Variants in NLRC5 observed in about 807,000 individuals in gnomAD.
NLRC5 encodes the protein protein NLRC5.
Under a neutral mutation model 206.9 loss-of-function variants are expected in NLRC5, and 114 were observed. That is an observed-to-expected ratio of 0.55 (90% CI 0.47 to 0.64). The LOEUF (loss-of-function observed/expected upper bound fraction) is 0.64. Among genes scored for constraint, NLRC5 ranks in the 30% least tolerant of loss-of-function variants. The probability of loss-of-function intolerance (pLI) is 0.00; values close to 1 mark genes in which losing one functional copy is unlikely to be tolerated. For synonymous variants in NLRC5, 952 were observed against 962.8 expected (o/e 0.99, Z 0.21); for missense variants, 2,008 against 2,305.5 (o/e 0.87, Z 2.64).
chr16:57,032,564 TAAATTA>T (rs2062000718), intron 11 of NLRC5, among the ~76,000 whole-genome samples: 1 of 152,172 alleles, frequency 6.6e-6, no homozygotes, highest in African/African-American at 2.4e-5. Flanking sequence ...TTAATTTAAA[TAAATTA>T]AAATTAAGTA....
chr16:57,066,979 T>C (rs1360020320), intron 34 of NLRC5, among the ~76,000 whole-genome samples: 1 of 142,070 alleles, frequency 7.0e-6, no homozygotes, highest in East Asian at 4.3e-4. Context: ...GGAGGCCCCC[T>C]GGACCCCAAG....
chr16:57,061,499 C>T lies in NLRC5; in HGVS notation c.4038C>T (p.Gly1346=). 1 of 1,610,796 alleles carries T rather than the reference C, an allele frequency of 6.2e-7. No individual in the cohort carries two copies. The highest frequency in any genetic ancestry group is 2.2e-5 in the East Asian group (1 of 44,904). ...AGCACGTGTCCAGGCTGGCCACCGG[C>T]TTGAGCAAGTCCCTGCAGCTGACGG... The part of the protein sequence containing the change: ...RPEHVSRLAT[G]LSKSLQLTEL... The change falls in exon 31 of 49, where the codon GGC becomes GGT. Residue 1346 remains glycine, a synonymous_variant. Transcript: ENST00000688547.
At chr16:57,007,525 C>T (rs1233820998) in intron 1 of NLRC5, among the ~76,000 whole-genome samples, 1 of 151,896 alleles carries the variant, frequency 6.6e-6, no homozygotes, top group African/African-American at 2.4e-5. Context: ...AAGTTCGAGA[C>T]CAGCCTGGTC....
At chr16:57,051,487 C>A (rs765350311) in intron 23 of NLRC5, 51 bp from the exon 24 acceptor site, 1 of 1,407,682 alleles carries the variant, frequency 7.1e-7, no homozygotes, top group South Asian at 1.2e-5. Context: ...GCCGTGCTCC[C>A]TGCTTTCCTG....
intron 15 of NLRC5, among the ~76,000 whole-genome samples, chr16:57,038,939 T>TAAAA (rs574142317): frequency 2.8e-5 from 3 of 108,268 alleles, no homozygotes; most frequent in Non-Finnish European, 2.0e-5. Flanking sequence ...TGTCTCAAAT[T>TAAAA]AAAAAAAAAA....
chr16:57,028,317 A>G lies in NLRC5; in HGVS notation c.2175A>G (p.Lys725=). The change falls in exon 8 of 49, where the codon AAA becomes AAG. Residue 725 remains lysine (K), a synonymous_variant. Transcript: ENST00000688547. ...RLQMLGLAGS[K]ITARGISHLV... is the part of the protein sequence containing the mutation. Reference sequence around the variant, plus strand: ...TACTCTGTAGGTTAGCAGGAAGTAAAATCACTGCCCGAGGCATCAGCCACC... The same window carrying G: ...TACTCTGTAGGTTAGCAGGAAGTAAGATCACTGCCCGAGGCATCAGCCACC... 1 of 1,614,124 alleles carries G rather than the reference A, an allele frequency of 6.2e-7. No individual in the cohort carries two copies.
At position 57,027,018 on chromosome 16, in the gene NLRC5, GGTGA is replaced by G; in HGVS notation, c.2075+3_2075+6del. The G allele has an allele frequency of 6.2e-7, 1 of 1,612,578 alleles. No homozygotes were observed. Among genetic ancestry groups the G allele is most frequent in the Non-Finnish European group, 8.5e-7 (1 of 1,178,934 alleles). On this transcript the variant is annotated splice_donor_variant and splice_donor_region_variant and intron_variant, in intron 6 of 48. Transcript: ENST00000688547. LOFTEE classifies it high-confidence loss of function. ...GGCTGTGGGCAGATAGAGAATCTCA[GGTGA>G]GTAAGAGTGGAGGAGGACCGGGGAG... is the stretch of plus-strand genomic sequence containing the variant.
At chr16:57,009,770 A>T (rs1204424575) in intron 1 of NLRC5, among the ~76,000 whole-genome samples, 11 of 152,202 alleles carry the variant, frequency 7.2e-5, no homozygotes, top group African/African-American at 2.4e-4. Flanking sequence ...TGATTTTTTT[A>T]AAAAACTGTT....
At chr16:57,010,167 G>A (rs2059344369) in intron 1 of NLRC5, among the ~76,000 whole-genome samples, 1 of 152,170 alleles carries the variant, frequency 6.6e-6, no homozygotes, top group South Asian at 2.1e-4. Flanking sequence ...TGGAAATTTT[G>A]AAACGCACAT....
At position 57,079,285 on chromosome 16, in the gene NLRC5, C is replaced by G. The variant is rs1278880767; in HGVS notation, c.5230C>G (p.Gln1744Glu). The change falls in exon 45 of 49, where the codon CAG becomes GAG. Residue 1744 changes from glutamine (Q) to glutamate (E), a missense_variant. By Grantham distance (29) the Gln-to-Glu change is conservative. Coordinates refer to ENST00000688547, the MANE Select transcript of NLRC5 (RefSeq NM_001384950.1). ...CTGTATGGAGCTCCCGCTGCTCAGA[C>G]AGATAGAGTAAGTAGCCTCCCCTGC... ...RFCMELPLLR[Q>E]IDLVSCKIDN... 1 of 1,613,298 alleles carries G rather than the reference C, an allele frequency of 6.2e-7. No individual in the cohort carries two copies. Among genetic ancestry groups the G allele is most frequent in the Non-Finnish European group, 8.5e-7 (1 of 1,180,026 alleles).
At chr16:56,997,966 A>G (rs1193075457) in intron 1 of NLRC5, among the ~76,000 whole-genome samples, 1 of 152,036 alleles carries the variant, frequency 6.6e-6, no homozygotes, top group Non-Finnish European at 1.5e-5. Flanking sequence ...TACACAAACC[A>G]TGGCCCAAAG....
chr16:57,017,948 T>G (rs1269234692), intron 2 of NLRC5, among the ~76,000 whole-genome samples: 1 of 152,258 alleles, frequency 6.6e-6, no homozygotes, highest in Admixed American at 6.5e-5. Context: ...CATGGAAATC[T>G]CAATGACTGA....
intron 1 of NLRC5, among the ~76,000 whole-genome samples, chr16:57,014,521 A>G (rs1389598861): frequency 6.6e-6 from 1 of 152,246 alleles, no homozygotes. Flanking sequence ...CGGTTTTATT[A>G]TGAAATATTT....
In NLRC5 at chr16:57,072,989, C is replaced by T. The variant is rs75563044; in HGVS notation, c.4668-1611C>T. Among the ~76,000 whole-genome samples, 794 of 152,298 alleles carry T rather than the reference C, an allele frequency of 5.2e-3. 13 individuals are homozygous for T. The highest frequency in any genetic ancestry group is 0.018 in the African/African-American group (764 of 41,560). ...TGACCACAGGGCCCTCCTGTCGTCT[C>T]ACTGGTCTGTTTCTTTGCCCACTGT... is the stretch of plus-strand genomic sequence containing the variant. On this transcript the variant is annotated intron_variant, in intron 38 of 48. Coordinates refer to ENST00000688547, the MANE Select transcript of NLRC5 (RefSeq NM_001384950.1).
At chr16:57,029,120 C>T (rs757791105) in intron 8 of NLRC5, among the ~76,000 whole-genome samples, 3 of 152,184 alleles carry the variant, frequency 2.0e-5, no homozygotes, top group Non-Finnish European at 4.4e-5. Flanking sequence ...ATTGTCGTCT[C>T]GGCTGGGCAT....
chr16:57,081,259 A>C, intron 47 of NLRC5, 78 bp downstream of exon 47: 1 of 1,370,176 alleles, frequency 7.3e-7, no homozygotes, highest in Non-Finnish European at 1.0e-6. Context: ...CCACTGGGTC[A>C]GTCCCCTGCC....
rs2144794138 is a variant in NLRC5 at position 57,066,458 on chromosome 16, C to A, written c.4242-76C>A. 3.2e-6 allele frequency: 4 copies of A among 1,266,568 alleles called. No individual in the cohort carries two copies. The East Asian group carries it at 7.1e-5, about 23-fold the overall frequency. The allele number at this position is 1,266,568 out of a possible 1,614,324, so 78.5% of individuals were successfully genotyped here. On this transcript the variant is annotated intron_variant, in intron 33 of 48. Transcript: ENST00000688547. ...GCAAAGTGAGAGTTCAGAGTTGGAG[C>A]CGGGCAGCCCAGGTGCCAGCTAGGC...
chr16:57,060,273 C>G (rs2066275330), intron 30 of NLRC5, among the ~76,000 whole-genome samples: 1 of 151,962 alleles, frequency 6.6e-6, no homozygotes, highest in Middle Eastern at 3.4e-3. Flanking sequence ...CCCATTAACC[C>G]CAGGGTGAAG....
chr16:57,031,962 G>A (rs2061929717), intron 11 of NLRC5, among the ~76,000 whole-genome samples: 1 of 151,898 alleles, frequency 6.6e-6, no homozygotes, highest in Admixed American at 6.6e-5. Flanking sequence ...GCTGAGAAAA[G>A]GGAGCTGCTT....
Sources: gnomAD v4.1 joint callset for allele counts (sites outside exome capture counted in the v4.1 genomes callset) on GRCh38, gnomAD v4.1.1 for gene constraint, MANE v1.5 for transcripts, NCBI Gene and HGNC (gene_info 2026-07-23, HGNC 2026-07-21) for gene names.